Variants in SLC3A1 observed in about 807,000 individuals in gnomAD.
SLC3A1 encodes solute carrier family 3 member 1.
Under a neutral mutation model 60.3 loss-of-function variants are expected in SLC3A1, and 78 were observed. That is an observed-to-expected ratio of 1.29 (90% confidence interval 1.08 to 1.56). The LOEUF is 1.56. Among genes scored for constraint, SLC3A1 ranks in the 40% most tolerant of loss-of-function variants. The pLI is 0.00. For synonymous variants in SLC3A1, 392 were observed against 307.9 expected (o/e 1.27, Z -2.86); for missense variants, 1,172 against 858.9 (o/e 1.36, Z -4.56).
Position 44,320,797 on chromosome 2 carries a change from T to C in SLC3A1, c.*158T>C, listed in dbSNP as rs1672877033. 1.5e-6 allele frequency: 1 copy of C among 676,168 alleles called. No homozygotes were observed. The highest frequency in any genetic ancestry group is 1.8e-5 in the South Asian group (1 of 56,650). 41.9% of individuals were successfully genotyped at this position (676,168 alleles called of 1,614,324 possible). ...CTTTAAGAAAGGTTCTCAAATGTTT[T>C]GAAAAAAATAAAATGTTTAAAAGTA... On this transcript the variant is annotated 3_prime_UTR_variant, in exon 10 of 10. Coordinates refer to ENST00000260649, the MANE Select transcript of SLC3A1 (RefSeq NM_000341.4).
chr2:44,311,616 T>C (rs1397263597), intron 7 of SLC3A1, among the ~76,000 whole-genome samples: 2 of 151,790 alleles, frequency 1.3e-5, no homozygotes, highest in African/African-American at 4.8e-5. Context: ...AATAAAAGGA[T>C]GGAGGCAAAA....
At chr2:44,281,022 CCTT>C in intron 2 of SLC3A1, 127 bp downstream of exon 2, 1 of 755,130 alleles carries the variant, frequency 1.3e-6, no homozygotes, top group Non-Finnish European at 2.2e-6. Flanking sequence ...TCCCTCCCTT[CCTT>C]CTTTCTTTCC....
At chr2:44,280,101 C>T (rs764375897) in intron 1 of SLC3A1, among the ~76,000 whole-genome samples, 1 of 152,134 alleles carries the variant, frequency 6.6e-6, no homozygotes, top group Non-Finnish European at 1.5e-5. Context: ...CATAGATTAG[C>T]TGCTCAAAAA....
chr2:44,282,652 G>T (rs1019069290), intron 3 of SLC3A1, among the ~76,000 whole-genome samples: 3 of 151,946 alleles, frequency 2.0e-5, no homozygotes, highest in Non-Finnish European at 4.4e-5. Context: ...TTATTTTTCA[G>T]AGACAGGGTC....
intron 7 of SLC3A1, among the ~76,000 whole-genome samples, chr2:44,311,852 G>C (rs1482304227): frequency 6.6e-6 from 1 of 152,040 alleles, no homozygotes; most frequent in Non-Finnish European, 1.5e-5. Flanking sequence ...CTCAGAGCTT[G>C]TTTCCTCATT....
At chr2:44,318,046 TAGAAATATTTG>T in intron 9 of SLC3A1, 1 of 424,394 alleles carries the variant, frequency 2.4e-6, no homozygotes, top group Admixed American at 2.7e-5. Context: ...TCCTAATACT[TAGAAATATTTG>T]CACATGTGCA....
chr2:44,314,129 C>G (rs1183179415), intron 9 of SLC3A1, 178 bp downstream of exon 9: 1 of 1,417,104 alleles, frequency 7.1e-7, no homozygotes, highest in Non-Finnish European at 9.6e-7. Context: ...TGTGAAAATA[C>G]AAACTGGTAC....
Position 44,275,589 on chromosome 2 carries a change from C to A in SLC3A1, c.54C>A (p.Cys18Ter), listed in dbSNP as rs1432661994. Reference sequence around the variant, plus strand: ...CCATCGAGATGAGTATGAAGGGATGCCAGACAAACAACGGGTTTGTCCATA... The same window carrying A: ...CCATCGAGATGAGTATGAAGGGATGACAGACAAACAACGGGTTTGTCCATA... Reference protein sequence around the residue: ...RDSIEMSMKGCQTNNGFVHNE... With the variant: ...RDSIEMSMKG Residue 18 changes from cysteine to a stop codon, truncating the protein, a stop_gained, in exon 1 of 10, where the codon TGC becomes TGA. Transcript: ENST00000260649. LOFTEE classifies it high-confidence loss of function. The A allele has an allele frequency of 6.2e-7, 1 of 1,614,040 alleles. No homozygotes were observed.
chr2:44,313,351 C>G (rs1672346195), intron 8 of SLC3A1, among the ~76,000 whole-genome samples: 1 of 152,084 alleles, frequency 6.6e-6, no homozygotes, highest in Non-Finnish European at 1.5e-5. Flanking sequence ...ATCCAATTTC[C>G]CTAATATTTG....
At chr2:44,311,316 T>C (rs1018600694) in intron 7 of SLC3A1, among the ~76,000 whole-genome samples, 1 of 152,228 alleles carries the variant, frequency 6.6e-6, no homozygotes, top group African/African-American at 2.4e-5. Context: ...GGTTTTTTCT[T>C]TGAATATCAA....
chr2:44,304,375 C>A lies in SLC3A1; in HGVS notation c.1332+37C>A, dbSNP rs372114653. The A allele has an allele frequency of 6.0e-6, 9 of 1,506,358 alleles. No homozygotes were observed. In the African/African-American group the frequency reaches 1.1e-4, roughly 18 times the overall value. The allele number at this position is 1,506,358 out of a possible 1,614,324, so 93.3% of individuals were successfully genotyped here. A position where few individuals can be genotyped will look rare whatever the true frequency, so the allele number is the denominator to read the frequency against. On this transcript the variant is annotated intron_variant, in intron 7 of 9. Coordinates refer to ENST00000260649, the MANE Select transcript of SLC3A1 (RefSeq NM_000341.4). ...TGACAGCAGAGTACATAATGTGCTG[C>A]TGTTGCCTTTGCTGTCCAGTTATCT... is the stretch of plus-strand genomic sequence containing the variant.
At chr2:44,301,649 G>A (rs536997926) in intron 6 of SLC3A1, among the ~76,000 whole-genome samples, 1 of 140,972 alleles carries the variant, frequency 7.1e-6, no homozygotes, top group South Asian at 2.2e-4. Context: ...TGAGGCAGGA[G>A]AATCACTTGA....
chr2:44,295,826 G>A (rs563737848), intron 4 of SLC3A1, among the ~76,000 whole-genome samples: 7 of 152,200 alleles, frequency 4.6e-5, no homozygotes, highest in Non-Finnish European at 1.0e-4. Flanking sequence ...TTTGTCAGAG[G>A]CCGCTTGGAT....
chr2:44,285,722 T>A (rs1157858920), intron 3 of SLC3A1: 1 of 541,230 alleles, frequency 1.8e-6, no homozygotes, highest in African/African-American at 1.9e-5. Flanking sequence ...GGACAGAAGA[T>A]TCAAGAAAAT....
chr2:44,320,003 A>G lies in SLC3A1; in HGVS notation c.1618-196A>G, dbSNP rs3197473. The G allele has an allele frequency of 0.083, 48,523 of 584,174 alleles. 2,400 individuals are homozygous for G. The highest frequency in any genetic ancestry group is 0.1 in the Non-Finnish European group (34,707 of 330,908). 36.2% of individuals were successfully genotyped at this position (584,174 alleles called of 1,614,324 possible). ...ACTTATTGACTCCCAGACAAGCCGA[A>G]ACCCCGAATTTGTCATTTCTATCAG... On this transcript the variant is annotated intron_variant, in intron 9 of 9. Transcript: ENST00000260649.
chr2:44,317,270 C>G (rs1179925810), intron 9 of SLC3A1, among the ~76,000 whole-genome samples: 3 of 152,148 alleles, frequency 2.0e-5, no homozygotes, highest in African/African-American at 7.2e-5. Context: ...TGAGACCAGC[C>G]TAGGCAACAT....
rs1157448559 is a variant in SLC3A1, at chr2:44,318,195, A to C, written c.1618-2004A>C. 10 of 410,042 alleles carry C rather than the reference A, an allele frequency of 2.4e-5. No individual in the cohort carries two copies. The East Asian group carries it at 8.4e-4, about 35-fold the overall frequency. The allele number at this position is 410,042 out of a possible 1,614,324, so 25.4% of individuals were successfully genotyped here. The stretch of plus-strand genomic sequence containing the variant: ...AGCCTCTGCTTCCTGGGTTCAAGTG[A>C]TTCTCCTGCTGCAGCCTCCCAAGTA... On this transcript the variant is annotated intron_variant, in intron 9 of 9. Coordinates refer to ENST00000260649, the MANE Select transcript of SLC3A1 (RefSeq NM_000341.4).
rs201322074 is a variant in SLC3A1 at position 44,278,300 on chromosome 2, C to T, written c.430+2335C>T. Among the ~76,000 whole-genome samples, 64 of 151,720 alleles carry T rather than the reference C, an allele frequency of 4.2e-4. 1 individual carries two copies. The highest frequency in any genetic ancestry group is 3.7e-3 in the East Asian group (19 of 5,152). On this transcript the variant is annotated intron_variant, in intron 1 of 9. Transcript: ENST00000260649. The stretch of plus-strand genomic sequence containing the variant: ...TCTACTAAAAAAATACAAAAAAAAT[C>T]AGCTGGGCGTGGTGGCGGGTGCCTG...
At chr2:44,283,589 C>A (rs1258618316) in intron 3 of SLC3A1, among the ~76,000 whole-genome samples, 2 of 152,132 alleles carry the variant, frequency 1.3e-5, no homozygotes, top group Non-Finnish European at 2.9e-5. Context: ...TTAAAAATTG[C>A]TGCCATACTC....
Sources: allele counts gnomAD v4.1 joint callset (sites outside exome capture counted in the v4.1 genomes callset), GRCh38; gene constraint gnomAD v4.1.1; transcripts MANE v1.5; gene names NCBI Gene and HGNC (gene_info 2026-07-23, HGNC 2026-07-21).